APBB3: variants seen among roughly 807,000 people sequenced by gnomAD.
APBB3 encodes the protein amyloid beta precursor protein binding family B member 3.
Under a neutral mutation model 61.5 loss-of-function variants are expected in APBB3, and 50 were observed. That is an observed-to-expected ratio of 0.81 (90% CI 0.65 to 1.03). The LOEUF is 1.03. Among genes scored for constraint, APBB3 ranks in the 50% least tolerant of loss-of-function variants. The probability of loss-of-function intolerance (pLI) is 0.00; values close to 1 mark genes in which losing one functional copy is unlikely to be tolerated. For synonymous variants in APBB3, 235 were observed against 233.0 expected (o/e 1.01, Z -0.08); for missense variants, 550 against 637.4 (o/e 0.86, Z 1.48).
Position 140,562,207 on chromosome 5 carries a change from G to C in APBB3, c.519C>G (p.Ile173Met). Residue 173 changes from isoleucine (I) to methionine (M), a missense_variant, in exon 6 of 13, where the codon ATC (isoleucine) becomes ATG (methionine). By Grantham distance (10) the Ile-to-Met change is conservative. Transcript: ENST00000357560. ...CTAGGCTCATGGCATCCTTCTTCAG[G>C]ATCATCAGCATGTTCTGGCCCTGCC... Reference protein sequence around the residue: ...AWGEGQNMLMILKKDAMSLVN... With the variant: ...AWGEGQNMLMMLKKDAMSLVN... 6 of 1,614,172 alleles carry C rather than the reference G, an allele frequency of 3.7e-6. No individual in the cohort carries two copies. The highest frequency in any genetic ancestry group is 5.1e-6 in the Non-Finnish European group (6 of 1,180,026).
chr5:140,563,462 C>G (rs1324648847), intron 3 of APBB3, 132 bp downstream of exon 3: 2 of 993,538 alleles, frequency 2.0e-6, no homozygotes, highest in Non-Finnish European at 3.1e-6. Flanking sequence ...TGGGACAGAG[C>G]CAAGAACGTA....
intron 3 of APBB3, chr5:140,563,372 C>A (rs1755054823): frequency 1.6e-6 from 1 of 621,346 alleles, no homozygotes; most frequent in Non-Finnish European, 2.8e-6. Flanking sequence ...TAGGTTAGGA[C>A]CAAGAATATG....
chr5:140,561,670 T>C lies in APBB3; in HGVS notation c.664A>G (p.Ser222Gly), dbSNP rs1166335630. Residue 222 changes from serine to glycine, a missense_variant, in exon 8 of 13, where the codon AGC becomes GGC. Coordinates refer to ENST00000357560, the MANE Select transcript of APBB3 (RefSeq NM_133173.3). ...AACACATGGCACTTGAGCATACAGCTATCTTTGTCACTTGCCACAAAAGCG... is the reference window on the plus strand; with the variant it reads ...AACACATGGCACTTGAGCATACAGCCATCTTTGTCACTTGCCACAAAAGCG... ...DFAFVASDKD[S>G]CMLKCHVFCC... 17 of 1,614,088 alleles carry C rather than the reference T, an allele frequency of 1.1e-5. No homozygotes were observed. The highest frequency in any genetic ancestry group is 1.4e-5 in the Non-Finnish European group (16 of 1,180,038).
At chr5:140,562,955 G>C in intron 3 of APBB3, 1 of 542,136 alleles carries the variant, frequency 1.8e-6, no homozygotes, top group East Asian at 3.2e-5. Flanking sequence ...TAGAATAAAA[G>C]TCACAAGGCT....
rs1049553556 is a variant in APBB3 at position 140,564,361 on chromosome 5, T to A, written c.-116A>T. ...CTGCGCCGCAGGCTGCGGGGCCAGCTGGCGCCGCACAAATACGGGGCGGGA... is the reference window on the plus strand; with the variant it reads ...CTGCGCCGCAGGCTGCGGGGCCAGCAGGCGCCGCACAAATACGGGGCGGGA... On this transcript the variant is annotated 5_prime_UTR_variant, in exon 1 of 13. Coordinates refer to ENST00000357560, the MANE Select transcript of APBB3 (RefSeq NM_133173.3). This position sits in a 1 kb window ranked among gnomAD's most constrained non-coding sequence, Gnocchi z 5.0. The A allele has an allele frequency of 4.0e-6, 5 of 1,240,902 alleles. No homozygotes were observed. The highest frequency in any genetic ancestry group is 5.7e-6 in the Non-Finnish European group (5 of 884,756). The allele number at this position is 1,240,902 out of a possible 1,614,324, so 76.9% of individuals were successfully genotyped here. A position where few individuals can be genotyped will look rare whatever the true frequency, so the allele number is the denominator to read the frequency against.
intron 12 of APBB3, among the ~76,000 whole-genome samples, chr5:140,559,783 T>C (rs149250460): frequency 6.6e-5 from 10 of 152,356 alleles, no homozygotes; most frequent in Admixed American, 2.6e-4. Context: ...GTACAACTTA[T>C]TTCTGGTCTA....
At chr5:140,563,380 ATG>A in intron 3 of APBB3, 1 of 634,364 alleles carries the variant, frequency 1.6e-6, no homozygotes, top group East Asian at 2.8e-5. Context: ...GACCAAGAAT[ATG>A]AAAAACATGT....
chr5:140,560,375 C>T lies in APBB3; in HGVS notation c.1162G>A (p.Ala388Thr), dbSNP rs754156315. The change falls in exon 12 of 13, where the codon GCA becomes ACA. Residue 388 changes from alanine to threonine, a missense_variant. Physicochemically the swap from Ala to Thr is moderately conservative, Grantham distance 58. This residue lies in a region of APBB3 where 138 missense variants were observed against 132.6 expected (regional missense o/e 1.04). Coordinates refer to ENST00000357560, the MANE Select transcript of APBB3 (RefSeq NM_133173.3). This position sits in a 1 kb window ranked among gnomAD's most constrained non-coding sequence, Gnocchi z 5.1. ...GCATGGGGCTGGCACCAGAAGGCTG[C>T]GCACTGGAAGCTCTGACGGCCCAGG... ...ADLGRQSFQC[A>T]AFWCQPHAGG... 4.3e-6 allele frequency: 7 copies of T among 1,614,056 alleles called. No individual in the cohort carries two copies. Among genetic ancestry groups the T allele is most frequent in the East Asian group, 2.2e-5 (1 of 44,898 alleles).
At position 140,563,796 on chromosome 5, in the gene APBB3, G is replaced by A. The variant is rs913606625; in HGVS notation, c.169C>T (p.Gln57Ter). The change falls in exon 2 of 13, where the codon CAG (glutamine) becomes TAG (stop). Residue 57 changes from glutamine to a stop codon, truncating the protein, a stop_gained. Coordinates refer to ENST00000357560, the MANE Select transcript of APBB3 (RefSeq NM_133173.3). LOFTEE classifies it high-confidence loss of function. The stretch of plus-strand genomic sequence containing the variant: ...TCTCCTAGTTCCCAGGTTGGGCGCT[G>A]CCACTGGGTGCTACCGCTGGGTACA... ...WHVPSGSTQWQRPTWELGDAE... is the reference protein window; with the variant it reads ...WHVPSGSTQW 1.2e-6 allele frequency: 2 copies of A among 1,614,164 alleles called. No individual in the cohort carries two copies. Among genetic ancestry groups the A allele is most frequent in the Admixed American group, 1.7e-5 (1 of 60,026 alleles).
chr5:140,563,867 G>A lies in APBB3; in HGVS notation c.98C>T (p.Pro33Leu). The A allele has an allele frequency of 6.2e-7, 1 of 1,614,170 alleles. No homozygotes were observed. The highest frequency in any genetic ancestry group is 8.5e-7 in the Non-Finnish European group (1 of 1,180,032). ...AGCATCGTGGATCTTCCTCCAGCCAGGAGGCAGGCCAGCCTCCACCTCCAG... is the reference window on the plus strand; with the variant it reads ...AGCATCGTGGATCTTCCTCCAGCCAAGAGGCAGGCCAGCCTCCACCTCCAG... ...HSLEVEAGLPPGWRKIHDAAG... is the reference protein window; with the variant it reads ...HSLEVEAGLPLGWRKIHDAAG... Residue 33 changes from proline (P) to leucine (L), a missense_variant, in exon 2 of 13, where the codon CCT becomes CTT. By Grantham distance (98) the Pro-to-Leu change is moderately conservative. Around this residue, in one of 3 missense-constraint regions of APBB3, gnomAD observed 405 missense variants for 483.4 expected, o/e 0.84. Coordinates refer to ENST00000357560, the MANE Select transcript of APBB3 (RefSeq NM_133173.3).
chr5:140,560,814 T>C lies in APBB3; in HGVS notation c.917-60A>G. The C allele has an allele frequency of 7.3e-6, 11 of 1,502,386 alleles. No individual in the cohort carries two copies. In the South Asian group the frequency reaches 1.2e-4, roughly 17 times the overall value. 93.1% of individuals were successfully genotyped at this position (1,502,386 alleles called of 1,614,324 possible). On this transcript the variant is annotated intron_variant, in intron 10 of 12. Transcript: ENST00000357560. This position sits in a 1 kb window ranked among gnomAD's most constrained non-coding sequence, Gnocchi z 5.1. ...AAAGAAAGAGTCTGCAGGGAGTGTC[T>C]AGCCCCCTCTCACTGATTTGGGATT...
intron 2 of APBB3, 36 bp downstream of exon 2, chr5:140,563,716 A>C: frequency 6.2e-7 from 1 of 1,614,016 alleles, no homozygotes; most frequent in Non-Finnish European, 8.5e-7. Context: ...CTAGGTCCAC[A>C]CATGGGCTCA....
At chr5:140,562,027 G>C (rs1754981753) in intron 6 of APBB3, 73 bp downstream of exon 6, 1 of 1,612,454 alleles carries the variant, frequency 6.2e-7, no homozygotes, top group Non-Finnish European at 8.5e-7. Flanking sequence ...CTGGGGATCA[G>C]CATCAGTGGG....
chr5:140,558,929 G>A (rs776610034), intron 12 of APBB3, 108 bp from the exon 13 acceptor site: 4 of 983,576 alleles, frequency 4.1e-6, no homozygotes, highest in Non-Finnish European at 6.4e-6. Flanking sequence ...TAACAAGGTT[G>A]GTAGTCAGCC....
In APBB3 at chr5:140,561,573, C is replaced by A. The variant is rs768446205; in HGVS notation, c.747+14G>T. The A allele has an allele frequency of 5.0e-6, 8 of 1,614,100 alleles. No individual in the cohort carries two copies. The highest frequency in any genetic ancestry group is 6.8e-6 in the Non-Finnish European group (8 of 1,179,962). The stretch of plus-strand genomic sequence containing the variant: ...CCCCTTACCCACATTCCCTGCCCCA[C>A]CCCTGACACTTACCTGGGCACAAAG... On this transcript the variant is annotated intron_variant, in intron 8 of 12. Coordinates refer to ENST00000357560, the MANE Select transcript of APBB3 (RefSeq NM_133173.3).
At chr5:140,562,020 G>A (rs779936297) in intron 6 of APBB3, 80 bp downstream of exon 6, 3 of 1,612,782 alleles carry the variant, frequency 1.9e-6, no homozygotes, top group Non-Finnish European at 2.5e-6. Flanking sequence ...TCAAGTACTG[G>A]GGATCAGCAT....
rs747962593 is a variant in APBB3, at chr5:140,561,695, G to A, written c.639C>T (p.Phe213=). 23 of 1,614,104 alleles carry A rather than the reference G, an allele frequency of 1.4e-5. No individual in the cohort carries two copies. Among genetic ancestry groups the A allele is most frequent in the African/African-American group, 1.2e-4 (9 of 74,928 alleles). Residue 213 remains phenylalanine (F), a synonymous_variant, in exon 8 of 13, where the codon TTC becomes TTT. Transcript: ENST00000357560. ...VGSSKGRDRD[F]AFVASDKDSC... The stretch of plus-strand genomic sequence containing the variant: ...TATCTTTGTCACTTGCCACAAAAGC[G>A]AAGTCCCTAGCAGGGGCAGAGATGG...
intron 7 of APBB3, 53 bp downstream of exon 7, chr5:140,561,791 G>A: frequency 6.2e-7 from 1 of 1,614,026 alleles, no homozygotes; most frequent in African/African-American, 1.3e-5. Context: ...GATATAGCAG[G>A]GATGGAGTAG....
In APBB3 at chr5:140,560,350, G is replaced by C. The variant is rs942775876; in HGVS notation, c.1187C>G (p.Ala396Gly). Residue 396 changes from alanine to glycine, a missense_variant, in exon 12 of 13, where the codon GCA becomes GGA. Coordinates refer to ENST00000357560, the MANE Select transcript of APBB3 (RefSeq NM_133173.3). The surrounding 1 kb of genome is among the most constrained non-coding windows in gnomAD (Gnocchi z 5.1). ...CTGCACAGCTTCAGAGAGTCCCCCT[G>C]CATGGGGCTGGCACCAGAAGGCTGC... Reference protein sequence around the residue: ...QCAAFWCQPHAGGLSEAVQAA... With the variant: ...QCAAFWCQPHGGGLSEAVQAA... 8 of 1,613,680 alleles carry C rather than the reference G, an allele frequency of 5.0e-6. No homozygotes were observed. The African/African-American group carries it at 1.1e-4, about 22-fold the overall frequency.
Sources: allele counts gnomAD v4.1 joint callset (sites outside exome capture counted in the v4.1 genomes callset), GRCh38; gene constraint gnomAD v4.1.1; regional missense constraint gnomAD v4.1.1; non-coding constraint Gnocchi (gnomAD v3.1); transcripts MANE v1.5; gene names NCBI Gene and HGNC (gene_info 2026-07-23, HGNC 2026-07-21).